Variants in SUSD5 observed in about 807,000 individuals in gnomAD.
SUSD5 encodes sushi domain containing 5.
SUSD5 carries 33 observed loss-of-function variants against 29.5 expected under a neutral mutation model. The ratio of observed to expected loss-of-function variants is 1.12; its 90% CI spans 0.85 to 1.49. SUSD5 has a LOEUF of 1.49. Among genes scored for constraint, SUSD5 ranks in the 40% most tolerant of loss-of-function variants. The pLI is 0.00. For synonymous variants in SUSD5, 308 were observed against 325.3 expected (o/e 0.95, Z 0.57); for missense variants, 776 against 800.6 (o/e 0.97, Z 0.37).
rs78130121 is a variant in SUSD5 at position 33,185,807 on chromosome 3, CAG to C, written c.410-10735_410-10734del. ...TAGCAGACATTATTTAATCATTAGA[CAG>C]ATATTTATGTTGGTTCCAACTTTTC... is the stretch of plus-strand genomic sequence containing the variant. On this transcript the variant is annotated intron_variant, in intron 3 of 4. Transcript: ENST00000309558. Among the ~76,000 whole-genome samples the C allele has an allele frequency of 8.7e-4, 133 of 152,196 alleles. No individual in the cohort carries two copies. In the East Asian group the frequency reaches 0.024, roughly 28 times the overall value.
In SUSD5 at chr3:33,159,551, A is replaced by C. The variant is rs117954039; in HGVS notation, c.599-5518T>G. On this transcript the variant is annotated intron_variant, in intron 4 of 4. Coordinates refer to ENST00000309558, the MANE Select transcript of SUSD5 (RefSeq NM_015551.2). ...CATCACTTATGTTCCAGACCACTAG[A>C]ATATGTACTGGGGATACAGGCCAAA... Among the ~76,000 whole-genome samples the C allele has an allele frequency of 2.3e-4, 35 of 152,222 alleles. No individual in the cohort carries two copies. In the East Asian group the frequency reaches 6.8e-3, roughly 29 times the overall value.
intron 4 of SUSD5, 132 bp downstream of exon 4, chr3:33,174,754 G>A: frequency 1.0e-6 from 1 of 974,020 alleles, no homozygotes; most frequent in Non-Finnish European, 1.5e-6. Flanking sequence ...CAGAGCTCAG[G>A]ATAAAGGTCT....
At chr3:33,166,658 C>T (rs2031311204) in intron 4 of SUSD5, among the ~76,000 whole-genome samples, 1 of 152,014 alleles carries the variant, frequency 6.6e-6, no homozygotes, top group African/African-American at 2.4e-5. Context: ...TGGTGTATGG[C>T]ATATAGTAGG....
intron 1 of SUSD5, among the ~76,000 whole-genome samples, chr3:33,215,362 G>C (rs2032409221): frequency 6.6e-6 from 1 of 152,022 alleles, no homozygotes; most frequent in Non-Finnish European, 1.5e-5. Context: ...TTGTAAAACT[G>C]ATCAAATACT....
At chr3:33,156,919 A>T (rs568568643) in intron 4 of SUSD5, among the ~76,000 whole-genome samples, 33 of 152,360 alleles carry the variant, frequency 2.2e-4, no homozygotes, top group Admixed American at 1.6e-3. Context: ...GTGGATGAAG[A>T]GCAAACATCA....
Position 33,212,019 on chromosome 3 carries a change from G to A in SUSD5, c.290+1909C>T, listed in dbSNP as rs192144909. Reference sequence around the variant, plus strand: ...GTCCTTTCCCCAGTGAGTGTTCTAAGTTCTAGTGTTCTATACCACTGTAGG... The same window carrying A: ...GTCCTTTCCCCAGTGAGTGTTCTAAATTCTAGTGTTCTATACCACTGTAGG... On this transcript the variant is annotated intron_variant, in intron 2 of 4. Transcript: ENST00000309558. Among the ~76,000 whole-genome samples, 275 of 152,198 alleles carry A rather than the reference G, an allele frequency of 1.8e-3. 1 individual carries two copies. Among genetic ancestry groups the A allele is most frequent in the Non-Finnish European group, 2.9e-3 (200 of 67,990 alleles).
rs549377735 is a variant in SUSD5 at position 33,164,819 on chromosome 3, C to A, written c.598+10067G>T. 4.8e-4 allele frequency among the ~76,000 whole-genome samples: 73 copies of A among 152,176 alleles called. 1 individual carries two copies. In the South Asian group the frequency reaches 0.012, roughly 26 times the overall value. On this transcript the variant is annotated intron_variant, in intron 4 of 4. Transcript: ENST00000309558. ...CAAATTAAGTGACATCACAACATAC[C>A]CATCAATATGGCTAAAAATTTCCAA... is the stretch of plus-strand genomic sequence containing the variant.
At chr3:33,162,723 TG>T (rs375061690) in intron 4 of SUSD5, among the ~76,000 whole-genome samples, 10 of 152,026 alleles carry the variant, frequency 6.6e-5, no homozygotes, top group African/African-American at 2.4e-4. Flanking sequence ...GAGGCTGGGG[TG>T]GGTGGATCAC....
Position 33,150,599 on chromosome 3 carries a change from T to A in SUSD5, c.*2143A>T, listed in dbSNP as rs1390000513. On this transcript the variant is annotated 3_prime_UTR_variant, in exon 5 of 5. Coordinates refer to ENST00000309558, the MANE Select transcript of SUSD5 (RefSeq NM_015551.2). ...TTGGCTACATGCAGAAAGCATTTTATTCCTATTGTTCTTGACTTCGTCTGA... is the reference window on the plus strand; with the variant it reads ...TTGGCTACATGCAGAAAGCATTTTAATCCTATTGTTCTTGACTTCGTCTGA... The A allele has an allele frequency of 6.6e-6, 1 of 152,246 alleles. No homozygotes were observed. Among genetic ancestry groups the A allele is most frequent in the Non-Finnish European group, 1.5e-5 (1 of 68,040 alleles). The allele number at this position is 152,246 out of a possible 1,614,324, so 9.4% of individuals were successfully genotyped here. A position where few individuals can be genotyped will look rare whatever the true frequency, so the allele number is the denominator to read the frequency against.
At chr3:33,179,217 C>T (rs2031616657) in intron 3 of SUSD5, among the ~76,000 whole-genome samples, 1 of 152,096 alleles carries the variant, frequency 6.6e-6, no homozygotes, top group African/African-American at 2.4e-5. Context: ...CATAATATTC[C>T]TTTATTATCC....
intron 3 of SUSD5, among the ~76,000 whole-genome samples, chr3:33,189,978 G>C (rs2031859398): frequency 6.6e-6 from 1 of 152,152 alleles, no homozygotes; most frequent in South Asian, 2.1e-4. Flanking sequence ...TACTAGTGAA[G>C]TCCAGTCATA....
chr3:33,195,364 T>C (rs2031976212), intron 3 of SUSD5, among the ~76,000 whole-genome samples: 1 of 152,198 alleles, frequency 6.6e-6, no homozygotes, highest in Non-Finnish European at 1.5e-5. Context: ...GATGTGCTGA[T>C]AAATATTAAA....
chr3:33,166,905 T>C (rs1349615708), intron 4 of SUSD5, among the ~76,000 whole-genome samples: 1 of 152,034 alleles, frequency 6.6e-6, no homozygotes, highest in Non-Finnish European at 1.5e-5. Flanking sequence ...AGCTTAAATA[T>C]TGGTGGCACA....
chr3:33,179,855 A>T (rs971666079), intron 3 of SUSD5, among the ~76,000 whole-genome samples: 1 of 152,212 alleles, frequency 6.6e-6, no homozygotes, highest in Non-Finnish European at 1.5e-5. Flanking sequence ...GGAACTGAAT[A>T]TATGATGGTA....
rs991385687 is a variant in SUSD5 at position 33,153,388 on chromosome 3, A to G, written c.1244T>C (p.Val415Ala). ...VLVTPDQPIL[V>A]EVKKPKSSTL... is the part of the protein sequence containing the mutation. ...GCTACTCTTGGGCTTCTTAACTTCC[A>G]CAAGAATGGGCTGATCAGGAGTAAC... The change falls in exon 5 of 5, where the codon GTG (valine) becomes GCG (alanine). Residue 415 changes from valine to alanine, a missense_variant. Coordinates refer to ENST00000309558, the MANE Select transcript of SUSD5 (RefSeq NM_015551.2). The G allele has an allele frequency of 1.2e-6, 2 of 1,613,690 alleles. No individual in the cohort carries two copies. The highest frequency in any genetic ancestry group is 1.3e-5 in the African/African-American group (1 of 74,880).
intron 4 of SUSD5, among the ~76,000 whole-genome samples, chr3:33,165,734 C>A (rs569631677): frequency 7.9e-5 from 12 of 152,276 alleles, no homozygotes; most frequent in African/African-American, 2.2e-4. Context: ...TGGCTATAAT[C>A]TTTGAGGGAC....
chr3:33,188,608 G>C (rs1319456470), intron 3 of SUSD5, among the ~76,000 whole-genome samples: 1 of 152,144 alleles, frequency 6.6e-6, no homozygotes, highest in Non-Finnish European at 1.5e-5. Context: ...GCTGGTACAA[G>C]GACCACCCTT....
chr3:33,196,152 T>C (rs1423391319), intron 3 of SUSD5, among the ~76,000 whole-genome samples: 1 of 152,192 alleles, frequency 6.6e-6, no homozygotes, highest in Non-Finnish European at 1.5e-5. Flanking sequence ...GGTAACTGAA[T>C]ACCCATTGTC....
At chr3:33,160,532 C>T (rs1434859745) in intron 4 of SUSD5, among the ~76,000 whole-genome samples, 1 of 152,140 alleles carries the variant, frequency 6.6e-6, no homozygotes, top group African/African-American at 2.4e-5. Context: ...CCAGCCTGGG[C>T]AACATACTAC....
Sources: allele counts gnomAD v4.1 joint callset (sites outside exome capture counted in the v4.1 genomes callset), GRCh38; gene constraint gnomAD v4.1.1; transcripts MANE v1.5; gene names NCBI Gene and HGNC (gene_info 2026-07-23, HGNC 2026-07-21).